DENND1A: variants seen among roughly 807,000 people sequenced by gnomAD.
DENND1A encodes DENN domain-containing protein 1A.
DENND1A carries 51 observed loss-of-function variants against 113.7 expected under a neutral mutation model. That is an observed-to-expected ratio of 0.45 (90% CI 0.36 to 0.57). The LOEUF is 0.57. DENND1A is among the 20% of genes least tolerant of loss of function. DENND1A has a pLI of 0.00. For missense variants in DENND1A, 1,258 were observed against 1,395.9 expected (o/e 0.90, Z 1.57); for synonymous variants, 565 against 570.8 (o/e 0.99, Z 0.14).
chr9:123,404,267 C>T (rs956413718), intron 20 of DENND1A, among the ~76,000 whole-genome samples: 1 of 152,214 alleles, frequency 6.6e-6, no homozygotes, highest in East Asian at 1.9e-4. Flanking sequence ...TGCCAGAGTT[C>T]GTGATGGATG....
intron 11 of DENND1A, among the ~76,000 whole-genome samples, chr9:123,588,639 G>GGC (rs1554894980): frequency 3.5e-4 from 47 of 132,706 alleles, no homozygotes; most frequent in African/African-American, 1.2e-3. Context: ...AAAAAGGGGG[G>GGC]GGGGGAAGAG....
chr9:123,382,410 A>G lies in DENND1A; in HGVS notation c.2235T>C (p.Ser745=). The G allele has an allele frequency of 6.2e-7, 1 of 1,602,688 alleles. No homozygotes were observed. Among genetic ancestry groups the G allele is most frequent in the Non-Finnish European group, 8.5e-7 (1 of 1,174,076 alleles). The part of the protein sequence containing the change: ...PQNRDSILNP[S]DKEEVPTPTL... ...TAGGGGTGGGCACCTCCTCCTTGTC[A>G]CTGGGGTTCAGGATGCTGTCCCGGT... is the stretch of plus-strand genomic sequence containing the variant. The change falls in exon 24 of 24, where the codon AGT becomes AGC. Residue 745 remains serine, a synonymous_variant. Coordinates refer to ENST00000394215, the MANE Select transcript of DENND1A (RefSeq NM_001352964.2).
At chr9:123,928,008 C>T (rs966491715) in intron 1 of DENND1A, among the ~76,000 whole-genome samples, 1 of 152,220 alleles carries the variant, frequency 6.6e-6, no homozygotes, top group Non-Finnish European at 1.5e-5. Flanking sequence ...TTCGGTTTCA[C>T]CACAAGCTAA....
intron 2 of DENND1A, among the ~76,000 whole-genome samples, chr9:123,855,505 T>A (rs1260758955): frequency 1.3e-5 from 2 of 151,998 alleles, no homozygotes; most frequent in African/African-American, 4.8e-5. Flanking sequence ...TAGACTAAAG[T>A]GGCTCAGCTA....
chr9:123,786,211 CAA>C (rs111561874), intron 3 of DENND1A, among the ~76,000 whole-genome samples: 1 of 136,254 alleles, frequency 7.3e-6, no homozygotes, highest in Non-Finnish European at 1.6e-5. Context: ...AAGACTGTCT[CAA>C]AAAAAAAAAA....
At chr9:123,528,213 A>C (rs1265282572) in intron 13 of DENND1A, among the ~76,000 whole-genome samples, 2 of 152,214 alleles carry the variant, frequency 1.3e-5, no homozygotes, top group African/African-American at 4.8e-5. Flanking sequence ...CGATTCCTCC[A>C]AAGACATTAA....
intron 1 of DENND1A, among the ~76,000 whole-genome samples, chr9:123,895,576 T>A (rs1205865985): frequency 1.3e-5 from 2 of 149,982 alleles, no homozygotes; most frequent in Non-Finnish European, 3.0e-5. Flanking sequence ...GAGCCGAGAT[T>A]ATGCCACTGC....
chr9:123,736,402 T>C (rs2068568296), intron 5 of DENND1A: 1 of 152,172 alleles, frequency 6.6e-6, no homozygotes, highest in Admixed American at 6.5e-5. Flanking sequence ...GGTCATGCTA[T>C]GATGTCACAA....
intron 5 of DENND1A, among the ~76,000 whole-genome samples, chr9:123,747,792 C>G (rs2069642769): frequency 6.6e-6 from 1 of 152,160 alleles, no homozygotes; most frequent in Non-Finnish European, 1.5e-5. Context: ...AAATTACTTA[C>G]TCTGAAGATG....
chr9:123,784,972 C>T (rs1831898655), intron 3 of DENND1A, among the ~76,000 whole-genome samples: 1 of 152,028 alleles, frequency 6.6e-6, no homozygotes, highest in Admixed American at 6.6e-5. Flanking sequence ...CAGTTCAACC[C>T]CATCCCATTC....
At chr9:123,707,276 C>A (rs549607702) in intron 5 of DENND1A, among the ~76,000 whole-genome samples, 8 of 152,190 alleles carry the variant, frequency 5.3e-5, no homozygotes, top group African/African-American at 1.9e-4. Context: ...TGCCTGTAAT[C>A]CCAGCTACTC....
At chr9:123,710,826 C>T (rs1444697516) in intron 5 of DENND1A, among the ~76,000 whole-genome samples, 1 of 151,948 alleles carries the variant, frequency 6.6e-6, no homozygotes, top group Non-Finnish European at 1.5e-5. Flanking sequence ...GTGTGTGCCA[C>T]CATGCCAGGC....
At chr9:123,533,953 G>A (rs6478621) in intron 13 of DENND1A, among the ~76,000 whole-genome samples, 38,833 of 152,046 alleles carry the variant, frequency 0.26, 5,101 homozygotes, top group African/African-American at 0.3. Context: ...AGAGGGGTCT[G>A]GACCTCAGAA....
At chr9:123,744,021 T>C (rs1484960331) in intron 5 of DENND1A, among the ~76,000 whole-genome samples, 13 of 152,184 alleles carry the variant, frequency 8.5e-5, no homozygotes, top group Admixed American at 5.9e-4. Context: ...TGGCATTCTA[T>C]ATTTGAAATC....
At chr9:123,792,744 G>A in intron 2 of DENND1A, 114 bp from the exon 3 acceptor site, 1 of 1,118,550 alleles carries the variant, frequency 8.9e-7, no homozygotes, top group Non-Finnish European at 1.3e-6. Context: ...GATCCAAGGG[G>A]GGCAGCTGAG....
At chr9:123,639,063 A>AAAAAAAAG (rs2061878045) in intron 9 of DENND1A, among the ~76,000 whole-genome samples, 2 of 146,542 alleles carry the variant, frequency 1.4e-5, no homozygotes, top group African/African-American at 5.0e-5. Context: ...AAAAAAAAAA[A>AAAAAAAAG]AAAGAAAGAA....
chr9:123,806,509 G>C (rs571597529), intron 2 of DENND1A, among the ~76,000 whole-genome samples: 1 of 151,880 alleles, frequency 6.6e-6, no homozygotes, highest in Non-Finnish European at 1.5e-5. Flanking sequence ...TGCCCGCCTC[G>C]GTCTCCCAAA....
At chr9:123,394,330 G>A (rs1418990681) in intron 21 of DENND1A, among the ~76,000 whole-genome samples, 4 of 152,100 alleles carry the variant, frequency 2.6e-5, no homozygotes, top group Non-Finnish European at 5.9e-5. Context: ...AGGCATCTCC[G>A]AGAGGGGCAG....
chr9:123,899,409 C>T (rs1337916200), intron 1 of DENND1A, among the ~76,000 whole-genome samples: 1 of 152,110 alleles, frequency 6.6e-6, no homozygotes, highest in East Asian at 1.9e-4. Context: ...TAATGGTTCT[C>T]TAACTACACT....
Sources: gnomAD v4.1 joint callset for allele counts (sites outside exome capture counted in the v4.1 genomes callset) on GRCh38, gnomAD v4.1.1 for gene constraint, MANE v1.5 for transcripts, NCBI Gene and HGNC (gene_info 2026-07-23, HGNC 2026-07-21) for gene names.